Variants in LIN7A observed in about 807,000 individuals in gnomAD.
LIN7A encodes lin-7 cell polarity scaffold A.
Under a neutral mutation model 29.8 loss-of-function variants are expected in LIN7A, and 25 were observed. That is an observed-to-expected ratio of 0.84 (90% CI 0.61 to 1.17). The LOEUF (loss-of-function observed/expected upper bound fraction) is 1.17, where lower values mean the gene tolerates loss of function less well. Ranked by LOEUF, LIN7A falls within the 50% of genes most tolerant of loss-of-function variation. The pLI is 0.00. For synonymous variants in LIN7A, 118 were observed against 107.5 expected (o/e 1.10, Z -0.60); for missense variants, 239 against 287.0 (o/e 0.83, Z 1.21).
intron 2 of LIN7A, among the ~76,000 whole-genome samples, chr12:80,870,111 G>T (rs185362406): frequency 6.6e-6 from 1 of 152,196 alleles, no homozygotes; most frequent in Admixed American, 6.5e-5. Flanking sequence ...GCTTCTCCTA[G>T]GATCTCAATG....
At chr12:80,881,795 C>CAAAAATATACA (rs1236409582) in intron 2 of LIN7A, among the ~76,000 whole-genome samples, 8 of 152,104 alleles carry the variant, frequency 5.3e-5, no homozygotes, top group Non-Finnish European at 4.4e-5. Context: ...TCCTGTATTA[C>CAAAAATATACA]AAATGAGCCC....
In LIN7A at chr12:80,937,800, GA is replaced by G. The variant is rs1043756840; in HGVS notation, c.-79del. On this transcript the variant is annotated 5_prime_UTR_variant, in exon 1 of 6. Coordinates refer to ENST00000552864, the MANE Select transcript of LIN7A (RefSeq NM_004664.4). ...GAGGGAAGACGGAAAGGAGGGGGAGGAGGGGGAAGGAAGGAAGGTGGTGGTG... is the reference window on the plus strand; with the variant it reads ...GAGGGAAGACGGAAAGGAGGGGGAGGGGGGGAAGGAAGGAAGGTGGTGGTG... 1.0e-5 allele frequency: 5 copies of G among 491,924 alleles called. No homozygotes were observed. The African/African-American group carries it at 1.0e-4, about 10-fold the overall frequency. The allele number at this position is 491,924 out of a possible 1,614,324, so 30.5% of individuals were successfully genotyped here. A position where few individuals can be genotyped will look rare whatever the true frequency, so the allele number is the denominator to read the frequency against.
At chr12:80,855,976 A>G (rs1047361133) in intron 2 of LIN7A, among the ~76,000 whole-genome samples, 4 of 152,174 alleles carry the variant, frequency 2.6e-5, no homozygotes, top group African/African-American at 9.6e-5. Context: ...TAGCTTTCAT[A>G]TATCTTTTCT....
At chr12:80,813,074 G>A (rs920164976) in intron 4 of LIN7A, among the ~76,000 whole-genome samples, 5 of 151,718 alleles carry the variant, frequency 3.3e-5, no homozygotes, top group South Asian at 2.1e-4. Flanking sequence ...GCAATGGCGC[G>A]ATCTTGGCTC....
At chr12:80,822,485 G>A (rs555920431) in intron 4 of LIN7A, among the ~76,000 whole-genome samples, 35 of 152,278 alleles carry the variant, frequency 2.3e-4, no homozygotes, top group African/African-American at 7.0e-4. Flanking sequence ...TTGAACCCAG[G>A]GGGTGGAGGT....
At chr12:80,896,655 C>A (rs1242508253) in intron 1 of LIN7A, among the ~76,000 whole-genome samples, 1 of 152,090 alleles carries the variant, frequency 6.6e-6, no homozygotes, top group East Asian at 1.9e-4. Context: ...TAAATGTGTT[C>A]AAATTTTAAA....
At position 80,792,797 on chromosome 12, in the gene LIN7A, C is replaced by T. The variant is rs1451917536; in HGVS notation, c.*4930G>A. The T allele has an allele frequency of 6.6e-6, 1 of 152,082 alleles. No homozygotes were observed. The highest frequency in any genetic ancestry group is 6.6e-5 in the Admixed American group (1 of 15,250). 9.4% of individuals were successfully genotyped at this position (152,082 alleles called of 1,614,324 possible). On this transcript the variant is annotated 3_prime_UTR_variant, in exon 6 of 6. Transcript: ENST00000552864. ...AGCACCAAATAGACACAGCGGCTAA[C>T]AAGAAATAAATCTGAAAAGTCACTG...
At chr12:80,886,141 T>C (rs921946715) in intron 2 of LIN7A, among the ~76,000 whole-genome samples, 2 of 152,044 alleles carry the variant, frequency 1.3e-5, no homozygotes, top group African/African-American at 4.8e-5. Context: ...CAAATATTTC[T>C]GAAAAACTCA....
intron 2 of LIN7A, among the ~76,000 whole-genome samples, chr12:80,865,329 T>G (rs1349924541): frequency 1.3e-5 from 2 of 151,536 alleles, no homozygotes; most frequent in Non-Finnish European, 2.9e-5. Flanking sequence ...AAAAAAAGGT[T>G]TGTTTTTTAA....
chr12:80,824,149 C>G (rs527879829), intron 4 of LIN7A, among the ~76,000 whole-genome samples: 1 of 152,008 alleles, frequency 6.6e-6, no homozygotes, highest in African/African-American at 2.4e-5. Flanking sequence ...GAGAGAAAAT[C>G]CAAATAAGCT....
intron 4 of LIN7A, among the ~76,000 whole-genome samples, chr12:80,816,169 G>C (rs7961338): frequency 0.49 from 74,941 of 151,966 alleles, 19,401 homozygotes; most frequent in African/African-American, 0.66. Context: ...GGGAGGCTGA[G>C]GCAGGAAGGA....
At chr12:80,824,016 A>G (rs1871939620) in intron 4 of LIN7A, among the ~76,000 whole-genome samples, 1 of 152,200 alleles carries the variant, frequency 6.6e-6, no homozygotes, top group African/African-American at 2.4e-5. Context: ...GAAAAGAAAT[A>G]ACTAAGATCA....
chr12:80,794,209 C>T lies in LIN7A; in HGVS notation c.*3518G>A, dbSNP rs893616451. On this transcript the variant is annotated 3_prime_UTR_variant, in exon 6 of 6. Coordinates refer to ENST00000552864, the MANE Select transcript of LIN7A (RefSeq NM_004664.4). ...TCACTGATTCAGCCACTTATTCATC[C>T]AACAAATACCGAGTGCCTACATTGT... 2.6e-5 allele frequency: 4 copies of T among 152,094 alleles called. No homozygotes were observed. The highest frequency in any genetic ancestry group is 9.7e-5 in the African/African-American group (4 of 41,432). The allele number at this position is 152,094 out of a possible 1,614,324, so 9.4% of individuals were successfully genotyped here.
chr12:80,897,409 G>A (rs1875964091), intron 1 of LIN7A, among the ~76,000 whole-genome samples: 2 of 152,062 alleles, frequency 1.3e-5, no homozygotes, highest in African/African-American at 4.8e-5. Context: ...CACATCTGAA[G>A]GAAGTTGAAC....
intron 5 of LIN7A, among the ~76,000 whole-genome samples, chr12:80,800,279 C>T (rs932964025): frequency 6.6e-6 from 1 of 151,908 alleles, no homozygotes; most frequent in African/African-American, 2.4e-5. Flanking sequence ...CATCTGAGGT[C>T]GGGAGTTTGA....
chr12:80,892,512 C>T (rs1387004044), intron 1 of LIN7A, among the ~76,000 whole-genome samples: 1 of 152,046 alleles, frequency 6.6e-6, no homozygotes, highest in Non-Finnish European at 1.5e-5. Context: ...TGAAGTCCAG[C>T]AAAATTGAAA....
chr12:80,925,430 T>C (rs1877531257), intron 1 of LIN7A, among the ~76,000 whole-genome samples: 1 of 152,208 alleles, frequency 6.6e-6, no homozygotes, highest in Admixed American at 6.5e-5. Context: ...GCAAACATTC[T>C]CTGTCCTTGT....
chr12:80,796,137 G>A lies in LIN7A; in HGVS notation c.*1590C>T, dbSNP rs139854584. The A allele has an allele frequency of 1.1e-3, 175 of 152,250 alleles. No homozygotes were observed. The highest frequency in any genetic ancestry group is 4.2e-3 in the African/African-American group (174 of 41,562). The allele number at this position is 152,250 out of a possible 1,614,324, so 9.4% of individuals were successfully genotyped here. On this transcript the variant is annotated 3_prime_UTR_variant, in exon 6 of 6. Transcript: ENST00000552864. ...GTTTTGTTTTATTTTCAAGAAGACA[G>A]TCTAAACTGAGCTTCATACATTTCT... is the stretch of plus-strand genomic sequence containing the variant.
intron 4 of LIN7A, among the ~76,000 whole-genome samples, chr12:80,841,432 C>A (rs956359321): frequency 1.3e-5 from 2 of 151,854 alleles, no homozygotes; most frequent in African/African-American, 4.8e-5. Flanking sequence ...ACGAACAGCA[C>A]CCTCAAGAGC....
Sources: allele counts gnomAD v4.1 joint callset (sites outside exome capture counted in the v4.1 genomes callset), GRCh38; gene constraint gnomAD v4.1.1; transcripts MANE v1.5; gene names NCBI Gene and HGNC (gene_info 2026-07-23, HGNC 2026-07-21).